GPC5: variants seen among roughly 807,000 people sequenced by gnomAD.
The protein encoded by GPC5 is glypican-5.
Under a neutral mutation model 53.9 loss-of-function variants are expected in GPC5, and 47 were observed. The ratio of observed to expected loss-of-function variants is 0.87; its 90% confidence interval spans 0.69 to 1.11. The LOEUF (loss-of-function observed/expected upper bound fraction) is 1.11, where lower values mean the gene tolerates loss of function less well. GPC5 is among the 50% of genes most tolerant of loss of function. GPC5 has a pLI of 0.00. For synonymous variants in GPC5, 286 were observed against 263.3 expected (o/e 1.09, Z -0.84); for missense variants, 748 against 713.1 (o/e 1.05, Z -0.56).
intron 3 of GPC5, among the ~76,000 whole-genome samples, chr13:91,707,859 G>A (rs563632790): frequency 1.3e-5 from 2 of 152,106 alleles, no homozygotes; most frequent in South Asian, 4.1e-4. Context: ...ATACATAGAT[G>A]ATCATCACAG....
At chr13:91,918,030 T>C (rs1316977937) in intron 6 of GPC5, among the ~76,000 whole-genome samples, 1 of 152,204 alleles carries the variant, frequency 6.6e-6, no homozygotes, top group Non-Finnish European at 1.5e-5. Context: ...TTCCTGAGAC[T>C]GGGTAATTTA....
chr13:91,906,029 C>T (rs1231964109), intron 5 of GPC5, among the ~76,000 whole-genome samples: 2 of 151,888 alleles, frequency 1.3e-5, no homozygotes, highest in Non-Finnish European at 2.9e-5. Context: ...TTCTTTATCC[C>T]TCACCCCCCC....
At chr13:92,794,436 G>T (rs997429305) in intron 7 of GPC5, among the ~76,000 whole-genome samples, 9 of 152,084 alleles carry the variant, frequency 5.9e-5, no homozygotes, top group African/African-American at 2.2e-4. Flanking sequence ...CATAGTGAAT[G>T]GGCAAAAACT....
At chr13:92,014,577 T>C (rs1345828742) in intron 6 of GPC5, among the ~76,000 whole-genome samples, 1 of 152,184 alleles carries the variant, frequency 6.6e-6, no homozygotes, top group Non-Finnish European at 1.5e-5. Flanking sequence ...GGTTTTCTTT[T>C]TTTGGTGTTT....
intron 3 of GPC5, among the ~76,000 whole-genome samples, chr13:91,703,901 C>G (rs1304616188): frequency 1.3e-5 from 2 of 152,110 alleles, no homozygotes; most frequent in African/African-American, 4.8e-5. Flanking sequence ...AGGCATTTTT[C>G]CATTTCTTCT....
At chr13:92,204,073 A>G (rs980640501) in intron 7 of GPC5, among the ~76,000 whole-genome samples, 2 of 152,210 alleles carry the variant, frequency 1.3e-5, no homozygotes, top group Non-Finnish European at 2.9e-5. Flanking sequence ...TCCAGTATGA[A>G]AGGAAAATAA....
At chr13:91,898,555 G>T (rs1344503047) in intron 5 of GPC5, among the ~76,000 whole-genome samples, 1 of 152,040 alleles carries the variant, frequency 6.6e-6, no homozygotes, top group Non-Finnish European at 1.5e-5. Flanking sequence ...AATACACAGT[G>T]TATAAGTACA....
intron 7 of GPC5, among the ~76,000 whole-genome samples, chr13:92,330,397 C>T (rs2043280577): frequency 6.6e-6 from 1 of 152,092 alleles, no homozygotes; most frequent in Admixed American, 6.6e-5. Context: ...CAGGTTGGGC[C>T]TTCATTTACT....
chr13:92,239,916 A>G (rs1478226303), intron 7 of GPC5: 1 of 31,476 alleles, frequency 3.2e-5, no homozygotes, highest in Non-Finnish European at 7.8e-5. Flanking sequence ...TGTCCCTGAT[A>G]TTTCTTTATA....
chr13:92,464,342 C>T (rs1025952473), intron 7 of GPC5, among the ~76,000 whole-genome samples: 3 of 152,146 alleles, frequency 2.0e-5, no homozygotes, highest in Admixed American at 2.0e-4. Flanking sequence ...CTGCCATGAA[C>T]ATTTCCATAT....
At chr13:92,041,104 G>A (rs1410884815) in intron 6 of GPC5, among the ~76,000 whole-genome samples, 1 of 151,736 alleles carries the variant, frequency 6.6e-6, no homozygotes, top group Non-Finnish European at 1.5e-5. Context: ...CACCCTTCTC[G>A]GCCTCCCAAA....
At chr13:92,196,784 C>G (rs2042259662) in intron 7 of GPC5, among the ~76,000 whole-genome samples, 1 of 138,174 alleles carries the variant, frequency 7.2e-6, no homozygotes, top group African/African-American at 2.7e-5. Context: ...ATATCAACAG[C>G]AGCTCATCTT....
At chr13:92,125,923 GGTTTTTTTTTTTTTTTTTTTTTT>G (rs869303243) in intron 6 of GPC5, among the ~76,000 whole-genome samples, 7,653 of 41,512 alleles carry the variant, frequency 0.18, 1,407 homozygotes, top group East Asian at 0.45. Context: ...TTTGTTTTTT[GGTTTTTTTTTTTTTTTTTTTTTT>G]TTTTTTTTTT....
intron 2 of GPC5, among the ~76,000 whole-genome samples, chr13:91,518,455 T>A (rs1468206706): frequency 1.3e-5 from 2 of 152,212 alleles, no homozygotes; most frequent in African/African-American, 4.8e-5. Flanking sequence ...AAAAGTTTAT[T>A]TCTAAATAAA....
At chr13:92,551,523 T>A (rs1416977084) in intron 7 of GPC5, among the ~76,000 whole-genome samples, 1 of 151,904 alleles carries the variant, frequency 6.6e-6, no homozygotes, top group Admixed American at 6.6e-5. Context: ...CACATAGGAA[T>A]ATAATTTCAT....
chr13:91,562,184 A>G (rs2031297777), intron 2 of GPC5, among the ~76,000 whole-genome samples: 2 of 112,558 alleles, frequency 1.8e-5, no homozygotes, highest in Non-Finnish European at 3.6e-5. Flanking sequence ...AAAAGGAGCA[A>G]CAGTAAAAAA....
At chr13:91,558,091 A>C (rs373871715) in intron 2 of GPC5, among the ~76,000 whole-genome samples, 1 of 152,192 alleles carries the variant, frequency 6.6e-6, no homozygotes, top group East Asian at 1.9e-4. Flanking sequence ...TTTAAGGTGG[A>C]GCTTACAGAA....
chr13:92,722,030 A>G (rs1384654132), intron 7 of GPC5, among the ~76,000 whole-genome samples: 1 of 151,994 alleles, frequency 6.6e-6, no homozygotes, highest in Non-Finnish European at 1.5e-5. Flanking sequence ...TTTTATTCAT[A>G]TCAAGGGAAC....
At chr13:92,087,594 G>T (rs1375613600) in intron 6 of GPC5, among the ~76,000 whole-genome samples, 1 of 152,096 alleles carries the variant, frequency 6.6e-6, no homozygotes, top group Non-Finnish European at 1.5e-5. Context: ...TATGTAGCCA[G>T]TCCCACCCTC....
Sources: allele counts gnomAD v4.1 joint callset (sites outside exome capture counted in the v4.1 genomes callset), GRCh38; gene constraint gnomAD v4.1.1; transcripts MANE v1.5; gene names NCBI Gene and HGNC (gene_info 2026-07-23, HGNC 2026-07-21).